CNST: variants seen among roughly 807,000 people sequenced by gnomAD.
CNST encodes the protein consortin.
Under a neutral mutation model 72.4 loss-of-function variants are expected in CNST, and 39 were observed. The ratio of observed to expected loss-of-function variants is 0.54; its 90% confidence interval spans 0.42 to 0.70. CNST has a LOEUF of 0.70. Ranked by LOEUF, CNST falls within the 30% of genes least tolerant of loss-of-function variation. CNST has a pLI of 0.00. For synonymous variants in CNST, 332 were observed against 320.1 expected (o/e 1.04, Z -0.40); for missense variants, 871 against 868.5 (o/e 1.00, Z -0.04).
Position 246,667,377 on chromosome 1 carries a change from A to G in CNST, c.*1472A>G, listed in dbSNP as rs1389185160. ...TGGTGATTCCAGTGCTAGATATTTA[A>G]TTACTGTGTATTTAGTGTTTTGATT... is the stretch of plus-strand genomic sequence containing the variant. On this transcript the variant is annotated 3_prime_UTR_variant, in exon 11 of 11. Coordinates refer to ENST00000366513, the MANE Select transcript of CNST (RefSeq NM_152609.3). 6.6e-6 allele frequency: 1 copy of G among 152,110 alleles called. No homozygotes were observed. The highest frequency in any genetic ancestry group is 1.5e-5 in the Non-Finnish European group (1 of 68,022). The allele number at this position is 152,110 out of a possible 1,614,324, so 9.4% of individuals were successfully genotyped here.
At chr1:246,652,367 A>C (rs1666493408) in intron 9 of CNST, among the ~76,000 whole-genome samples, 1 of 152,198 alleles carries the variant, frequency 6.6e-6, no homozygotes, top group Non-Finnish European at 1.5e-5. Flanking sequence ...AGACTCTTAC[A>C]CACATAGAGA....
chr1:246,636,368 G>A (rs902449058), intron 6 of CNST, among the ~76,000 whole-genome samples: 22 of 152,182 alleles, frequency 1.4e-4, no homozygotes, highest in Non-Finnish European at 1.3e-4. Flanking sequence ...CTGGGGTTTT[G>A]AAATGCTAGT....
intron 2 of CNST, among the ~76,000 whole-genome samples, chr1:246,593,946 A>C (rs1661712547): frequency 1.3e-5 from 2 of 151,592 alleles, no homozygotes; most frequent in South Asian, 2.1e-4. Flanking sequence ...TTTTCTTTTT[A>C]TTTTTGTAGA....
chr1:246,572,873 G>A (rs1660150939), intron 1 of CNST, among the ~76,000 whole-genome samples: 1 of 151,960 alleles, frequency 6.6e-6, no homozygotes, highest in African/African-American at 2.4e-5. Context: ...TGAGTTATTT[G>A]TTTTTACCTC....
At chr1:246,567,163 T>G (rs1489118698) in intron 1 of CNST, among the ~76,000 whole-genome samples, 1 of 151,682 alleles carries the variant, frequency 6.6e-6, no homozygotes, top group East Asian at 1.9e-4. Flanking sequence ...TTAAAAGACT[T>G]AAAGTTAAGA....
intron 3 of CNST, among the ~76,000 whole-genome samples, chr1:246,624,313 G>T (rs1664279880): frequency 6.6e-6 from 1 of 152,192 alleles, no homozygotes; most frequent in Non-Finnish European, 1.5e-5. Flanking sequence ...GGGAAAGAAG[G>T]TTAGAGAATA....
intron 2 of CNST, among the ~76,000 whole-genome samples, chr1:246,620,547 C>T (rs71638362): frequency 8.3e-4 from 75 of 90,130 alleles, no homozygotes; most frequent in Non-Finnish European, 1.4e-3. Flanking sequence ...ACGGCTTCAT[C>T]GTGGTGCATA....
chr1:246,601,517 T>A (rs1279484994), intron 2 of CNST, among the ~76,000 whole-genome samples: 3 of 150,434 alleles, frequency 2.0e-5, no homozygotes. Context: ...ATTAATGGCC[T>A]GGCACGGTGG....
chr1:246,584,421 T>A (rs528426976), intron 1 of CNST, among the ~76,000 whole-genome samples: 1 of 152,218 alleles, frequency 6.6e-6, no homozygotes, highest in South Asian at 2.1e-4. Context: ...AGAATGGCGG[T>A]GCAGTCAAGA....
intron 2 of CNST, among the ~76,000 whole-genome samples, chr1:246,605,396 G>A (rs7521263): frequency 1.3e-5 from 2 of 152,226 alleles, no homozygotes; most frequent in Non-Finnish European, 2.9e-5. Flanking sequence ...GGCCGGGCGC[G>A]GTGGCTCACG....
intron 3 of CNST, among the ~76,000 whole-genome samples, chr1:246,622,774 A>G (rs1465276740): frequency 6.6e-6 from 1 of 152,094 alleles, no homozygotes; most frequent in Non-Finnish European, 1.5e-5. Context: ...GCTAATTCAG[A>G]AGAAATTAAG....
intron 2 of CNST, among the ~76,000 whole-genome samples, chr1:246,609,938 T>C (rs1353223641): frequency 6.6e-6 from 1 of 152,220 alleles, no homozygotes; most frequent in Non-Finnish European, 1.5e-5. Flanking sequence ...CCATCATTTA[T>C]ATCTATTTCT....
intron 2 of CNST, among the ~76,000 whole-genome samples, chr1:246,595,348 AC>A (rs1661809390): frequency 6.6e-6 from 1 of 152,096 alleles, no homozygotes. Context: ...CGTATCCATC[AC>A]CCGGTCTGAG....
chr1:246,600,973 A>G (rs567208714), intron 2 of CNST, among the ~76,000 whole-genome samples: 1 of 152,250 alleles, frequency 6.6e-6, no homozygotes, highest in East Asian at 1.9e-4. Flanking sequence ...AATGAGCTAG[A>G]ATGTGTTTTC....
chr1:246,649,632 C>T (rs535218229), intron 9 of CNST, among the ~76,000 whole-genome samples: 1 of 152,182 alleles, frequency 6.6e-6, no homozygotes, highest in African/African-American at 2.4e-5. Flanking sequence ...AAGCAGAGAG[C>T]TCCTGTTGTC....
intron 2 of CNST, among the ~76,000 whole-genome samples, chr1:246,611,778 C>G (rs1663330677): frequency 1.3e-5 from 2 of 152,316 alleles, no homozygotes. Flanking sequence ...TACTTGTACA[C>G]TAAGGTTCAT....
At chr1:246,602,802 T>G (rs1662383291) in intron 2 of CNST, among the ~76,000 whole-genome samples, 1 of 152,058 alleles carries the variant, frequency 6.6e-6, no homozygotes, top group Admixed American at 6.5e-5. Flanking sequence ...TCACAGTTCC[T>G]TTTTTCCCTC....
chr1:246,639,101 T>C (rs970743460), intron 6 of CNST, among the ~76,000 whole-genome samples: 3 of 151,646 alleles, frequency 2.0e-5, no homozygotes, highest in African/African-American at 7.3e-5. Flanking sequence ...AGAACTGTGG[T>C]TGTGAGCTGT....
At chr1:246,633,527 G>A (rs186842537) in intron 4 of CNST, among the ~76,000 whole-genome samples, 201 of 152,084 alleles carry the variant, frequency 1.3e-3, no homozygotes, top group East Asian at 4.8e-3. Flanking sequence ...CAGATCACGA[G>A]GTGAGGAGTT....
Sources: allele counts gnomAD v4.1 joint callset (sites outside exome capture counted in the v4.1 genomes callset), GRCh38; gene constraint gnomAD v4.1.1; transcripts MANE v1.5; gene names NCBI Gene and HGNC (gene_info 2026-07-23, HGNC 2026-07-21).